VWA3B: variants seen among roughly 807,000 people sequenced by gnomAD.
VWA3B encodes von Willebrand factor A domain-containing protein 3B.
Under a neutral mutation model 158.3 loss-of-function variants are expected in VWA3B, and 138 were observed. The ratio of observed to expected loss-of-function variants is 0.87; its 90% CI spans 0.76 to 1.00. The LOEUF (loss-of-function observed/expected upper bound fraction) is 1.00, where lower values mean the gene tolerates loss of function less well. Among genes scored for constraint, VWA3B ranks in the 50% least tolerant of loss-of-function variants. VWA3B has a pLI of 0.00. For missense variants in VWA3B, 1,555 were observed against 1,565.1 expected, an observed-to-expected ratio of 0.99 and a Z score of 0.11; for synonymous variants, 596 against 587.3, an observed-to-expected ratio of 1.01 and a Z score of -0.21.
rs1402118842 is a variant in VWA3B, at chr2:98,158,716, T to C, written c.989-4135T>C. ...GAGGCAGCTCACCGTTTCCTGGGGG[T>C]GGTGGAGTCAAGACTATGTCTTCAG... is the stretch of plus-strand genomic sequence containing the variant. On this transcript the variant is annotated intron_variant, in intron 7 of 27. Coordinates refer to ENST00000477737, the MANE Select transcript of VWA3B (RefSeq NM_144992.5). 6.9e-5 allele frequency among the ~76,000 whole-genome samples: 6 copies of C among 86,586 alleles called. No homozygotes were observed. The South Asian group carries it at 2.7e-3, about 39-fold the overall frequency. 56.8% of individuals were successfully genotyped at this position (86,586 alleles called of 152,430 possible).
At chr2:98,322,126 C>A in the VWA3B span, among the ~76,000 whole-genome samples, 13 of 152,168 alleles carry the variant, frequency 8.5e-5, no homozygotes, top group Admixed American at 5.2e-4. Flanking sequence ...AACTGTGAGT[C>A]CATTACACTT....
intron 12 of VWA3B, among the ~76,000 whole-genome samples, chr2:98,203,127 G>T (rs1362007711): frequency 6.6e-6 from 1 of 152,140 alleles, no homozygotes; most frequent in Non-Finnish European, 1.5e-5. Context: ...CACCACACCC[G>T]GCCGGTTTAT....
At chr2:98,225,717 A>AC (rs1413858930) in intron 14 of VWA3B, among the ~76,000 whole-genome samples, 1 of 152,128 alleles carries the variant, frequency 6.6e-6, no homozygotes, top group East Asian at 1.9e-4. Context: ...AAAAAAAAAA[A>AC]AACTGGAACT....
intron 12 of VWA3B, chr2:98,207,351 C>A: frequency 2.1e-6 from 1 of 487,734 alleles, no homozygotes; most frequent in South Asian, 1.6e-5. Context: ...TGGACTCCAT[C>A]TCTCACATCA....
chr2:98,325,864 T>C, the VWA3B span, among the ~76,000 whole-genome samples: 8 of 152,220 alleles, frequency 5.3e-5, no homozygotes, highest in Non-Finnish European at 1.2e-4. Context: ...TTGACCTGTA[T>C]GCCAAATCCC....
At chr2:98,329,850 A>C in the VWA3B span, among the ~76,000 whole-genome samples, 1 of 152,194 alleles carries the variant, frequency 6.6e-6, no homozygotes, top group African/African-American at 2.4e-5. Flanking sequence ...TGTGGGCAGC[A>C]GTTCCTGCCC....
intron 19 of VWA3B, chr2:98,242,108 C>T (rs1007077903): frequency 2.0e-5 from 7 of 342,240 alleles, no homozygotes; most frequent in South Asian, 1.2e-4. Flanking sequence ...ATCTTAATTG[C>T]GTCCTCCTCC....
the VWA3B span, among the ~76,000 whole-genome samples, chr2:98,319,838 C>T: frequency 4.0e-5 from 6 of 151,714 alleles, no homozygotes. Context: ...CTAGATCACG[C>T]CACTGCACTC....
rs746076447 is a variant in VWA3B, at chr2:98,121,309, G to A, written c.553G>A (p.Glu185Lys). The A allele has an allele frequency of 6.2e-7, 1 of 1,613,438 alleles. No homozygotes were observed. The highest frequency in any genetic ancestry group is 8.5e-7 in the Non-Finnish European group (1 of 1,179,372). The change falls in exon 5 of 28, where the codon GAG (glutamate) becomes AAG (lysine). Residue 185 changes from glutamate (E) to lysine (K), a missense_variant. Transcript: ENST00000477737. ...TGTGATCCTTTTCAGGGTTTCTCAA[G>A]AGCCTGTGAAGTGGCAGGAAAATGC... ...TEFNIIRVSQ[E>K]PVKWQENATP...
At chr2:98,111,100 C>T (rs1674100779) in intron 2 of VWA3B, among the ~76,000 whole-genome samples, 1 of 152,162 alleles carries the variant, frequency 6.6e-6, no homozygotes, top group Admixed American at 6.6e-5. Context: ...TGGGCTAATA[C>T]AACCCCTGCT....
intron 19 of VWA3B, among the ~76,000 whole-genome samples, chr2:98,246,966 T>A (rs1686436062): frequency 6.6e-6 from 1 of 152,118 alleles, no homozygotes; most frequent in Admixed American, 6.5e-5. Flanking sequence ...GTATTTCTAT[T>A]CCTTTAGTGA....
chr2:98,103,961 GT>G (rs1478850709), intron 2 of VWA3B, among the ~76,000 whole-genome samples: 1 of 152,014 alleles, frequency 6.6e-6, no homozygotes, highest in East Asian at 1.9e-4. Flanking sequence ...ATTCTGATAT[GT>G]CATATTTATT....
chr2:98,286,672 A>G (rs1471465976), intron 22 of VWA3B, among the ~76,000 whole-genome samples: 1 of 152,008 alleles, frequency 6.6e-6, no homozygotes, highest in Non-Finnish European at 1.5e-5. Flanking sequence ...TACTGGATTT[A>G]TTTGCTATAT....
intron 1 of VWA3B, among the ~76,000 whole-genome samples, chr2:98,088,897 G>A (rs1035007072): frequency 1.3e-5 from 2 of 152,090 alleles, no homozygotes; most frequent in African/African-American, 2.4e-5. Flanking sequence ...GGGATTACAC[G>A]TGTGTGTTAC....
intron 8 of VWA3B, among the ~76,000 whole-genome samples, chr2:98,178,836 A>C (rs1344359132): frequency 6.6e-6 from 1 of 152,166 alleles, no homozygotes; most frequent in Non-Finnish European, 1.5e-5. Flanking sequence ...GAGAGCCATT[A>C]ATGTAAGTGG....
intron 22 of VWA3B, among the ~76,000 whole-genome samples, chr2:98,280,348 G>A (rs1015539247): frequency 2.0e-5 from 3 of 151,672 alleles, no homozygotes; most frequent in Non-Finnish European, 4.4e-5. Context: ...ACAAAGAAAA[G>A]AAAGAGAGAG....
At chr2:98,140,709 C>T (rs1480803559) in intron 7 of VWA3B, among the ~76,000 whole-genome samples, 1 of 152,192 alleles carries the variant, frequency 6.6e-6, no homozygotes, top group Non-Finnish European at 1.5e-5. Flanking sequence ...CTGAACCACC[C>T]AGCCCCCAGC....
At chr2:98,244,266 T>C (rs1029683823) in intron 19 of VWA3B, among the ~76,000 whole-genome samples, 1 of 152,190 alleles carries the variant, frequency 6.6e-6, no homozygotes, top group African/African-American at 2.4e-5. Flanking sequence ...GGGGGCAGTT[T>C]ACTTGGAATT....
chr2:98,250,114 A>G (rs1024520966), intron 19 of VWA3B, among the ~76,000 whole-genome samples: 2 of 152,088 alleles, frequency 1.3e-5, no homozygotes, highest in Non-Finnish European at 2.9e-5. Context: ...TCTAAAATAT[A>G]TAGTTTTAAA....
Sources: gnomAD v4.1 joint callset for allele counts (sites outside exome capture counted in the v4.1 genomes callset) on GRCh38, gnomAD v4.1.1 for gene constraint, MANE v1.5 for transcripts, NCBI Gene and HGNC (gene_info 2026-07-23, HGNC 2026-07-21) for gene names.